Variants in CDH26 observed in about 807,000 individuals in gnomAD.
CDH26 encodes cadherin-like protein 26.
In CDH26, 83 loss-of-function variants were observed where a neutral mutation model predicts 90.3. The observed-to-expected ratio is 0.92, with a 90% CI of 0.77 to 1.10. CDH26 has a LOEUF of 1.10. CDH26 is among the 50% of genes least tolerant of loss of function. The probability of loss-of-function intolerance (pLI) is 0.00; values close to 1 mark genes in which losing one functional copy is unlikely to be tolerated. For missense variants in CDH26, 1,013 were observed against 1,037.6 expected, an observed-to-expected ratio of 0.98 and a Z score of 0.33; for synonymous variants, 397 against 396.3, an observed-to-expected ratio of 1.00 and a Z score of -0.02.
chr20:60,006,385 G>A lies in CDH26; in HGVS notation c.2221-328G>A, dbSNP rs564671043. ...GAAGAGAAGCCAAAATGAGCGAGGA[G>A]GGGCAGTGTAGTTGAGGGGGTGCAA... On this transcript the variant is annotated intron_variant, in intron 16 of 17. Coordinates refer to ENST00000348616, the MANE Select transcript of CDH26 (RefSeq NM_177980.4). Among the ~76,000 whole-genome samples, 249 of 147,506 alleles carry A rather than the reference G, an allele frequency of 1.7e-3. 7 individuals are homozygous for A. The highest frequency in any genetic ancestry group is 3.6e-3 in the Middle Eastern group (1 of 280).
At chr20:59,965,770 T>C (rs2061140932) in intron 1 of CDH26, among the ~76,000 whole-genome samples, 1 of 152,204 alleles carries the variant, frequency 6.6e-6, no homozygotes, top group Admixed American at 6.5e-5. Flanking sequence ...TCTTAACAGT[T>C]ATTTACTGGG....
Position 59,996,091 on chromosome 20 carries a change from C to T in CDH26, c.1888+37C>T, listed in dbSNP as rs368063089. On this transcript the variant is annotated intron_variant, in intron 12 of 17. Coordinates refer to ENST00000348616, the MANE Select transcript of CDH26 (RefSeq NM_177980.4). ...GTAGGGGTGTCCTGGGACTGTGGCT[C>T]CTCTCCCCAGGCAATAGGCCAGGGG... The T allele has an allele frequency of 4.4e-4, 700 of 1,592,878 alleles. 2 individuals are homozygous for T. The highest frequency in any genetic ancestry group is 1.5e-3 in the South Asian group (137 of 90,256).
intron 7 of CDH26, among the ~76,000 whole-genome samples, chr20:60,023,960 GGAGA>G (rs11086691): frequency 9.5e-5 from 14 of 147,300 alleles, no homozygotes; most frequent in African/African-American, 2.8e-4. Flanking sequence ...GCTGACAGAG[GGAGA>G]GAGAGAGAGA....
chr20:59,990,866 C>CT lies in CDH26; in HGVS notation c.1284-1500dup, dbSNP rs369782785. Among the ~76,000 whole-genome samples, 749 of 145,012 alleles carry CT rather than the reference C, an allele frequency of 5.2e-3. 10 individuals carry two copies. The highest frequency in any genetic ancestry group is 0.032 in the East Asian group (159 of 4,974). On this transcript the variant is annotated intron_variant, in intron 9 of 17. Transcript: ENST00000348616. ...GGGCCCCACCCCTACAATTTCTTTT[C>CT]TTTTTTTTTTTTCTTTTTTTTGAGA...
chr20:59,981,133 T>C (rs1352544510), intron 4 of CDH26, among the ~76,000 whole-genome samples: 2 of 152,192 alleles, frequency 1.3e-5, no homozygotes, highest in African/African-American at 4.8e-5. Context: ...TGGATTACTG[T>C]ATTTTTATAA....
At chr20:60,035,152 A>G (rs1390750153), downstream of CDH26, among the ~76,000 whole-genome samples, 1 of 152,146 alleles carries the variant, frequency 6.6e-6, no homozygotes, top group Non-Finnish European at 1.5e-5. Flanking sequence ...TTTTTATGTC[A>G]TTGTTTGTAC....
At chr20:60,034,313 T>TGTGTCAGGAACTGTGGGGCC (rs973723979), downstream of CDH26, among the ~76,000 whole-genome samples, 3 of 152,212 alleles carry the variant, frequency 2.0e-5, no homozygotes, top group Non-Finnish European at 4.4e-5. Flanking sequence ...AAGACAGTGC[T>TGTGTCAGGAACTGTGGGGCC]GTGTCAGGAA....
At chr20:59,986,897 A>C (rs1343300919) in intron 7 of CDH26, among the ~76,000 whole-genome samples, 1 of 152,260 alleles carries the variant, frequency 6.6e-6, no homozygotes, top group Non-Finnish European at 1.5e-5. Context: ...ACCTTGTTTC[A>C]AAATCTTTTC....
At chr20:59,988,023 A>G (rs1166288226) in intron 8 of CDH26, among the ~76,000 whole-genome samples, 1 of 152,178 alleles carries the variant, frequency 6.6e-6, no homozygotes, top group East Asian at 1.9e-4. Flanking sequence ...TGAGTTTTCA[A>G]TGTTTAAGAC....
At chr20:60,015,246 A>G (rs1479521132), downstream of CDH26, among the ~76,000 whole-genome samples, 1 of 152,192 alleles carries the variant, frequency 6.6e-6, no homozygotes, top group Non-Finnish European at 1.5e-5. Flanking sequence ...TCAGCCTACC[A>G]AAGTGCTGGG....
At position 59,970,147 on chromosome 20, in the gene CDH26, G is replaced by A. The variant is rs148524136; in HGVS notation, c.192G>A (p.Glu64=). Residue 64 remains glutamate, a synonymous_variant, in exon 3 of 18, where the codon GAG becomes GAA. Coordinates refer to ENST00000348616, the MANE Select transcript of CDH26 (RefSeq NM_177980.4). The stretch of plus-strand genomic sequence containing the variant: ...GGGTTATCACCACCTTGGAGCTGGA[G>A]GAGGAAGACCCGGGACCCTTTCCCA... ...RRWVITTLEL[E]EEDPGPFPKL... is the part of the protein sequence containing the mutation. 1.9e-6 allele frequency: 3 copies of A among 1,614,124 alleles called. No homozygotes were observed. Among genetic ancestry groups the A allele is most frequent in the Non-Finnish European group, 2.5e-6 (3 of 1,179,994 alleles).
chr20:59,960,096 A>C (rs1404420771), intron 1 of CDH26, among the ~76,000 whole-genome samples: 2 of 152,092 alleles, frequency 1.3e-5, no homozygotes, highest in Non-Finnish European at 1.5e-5. Context: ...CTGGGGACCT[A>C]GGCCAGCTTA....
Position 60,003,643 on chromosome 20 carries a change from G to A in CDH26, c.2220+777G>A, listed in dbSNP as rs527603854. On this transcript the variant is annotated intron_variant, in intron 16 of 17. Transcript: ENST00000348616. ...CATGGCATCCCAAATTTACATGTTG[G>A]TGTGGGAGACTAAAAAAGATGTAAA... 1.1e-4 allele frequency among the ~76,000 whole-genome samples: 17 copies of A among 152,298 alleles called. No individual in the cohort carries two copies. The South Asian group carries it at 2.9e-3, about 26-fold the overall frequency.
At chr20:60,018,698 C>T, downstream of CDH26, among the ~76,000 whole-genome samples, 1 of 44,214 alleles carries the variant, frequency 2.3e-5, no homozygotes, top group Non-Finnish European at 5.3e-5. Context: ...TCCTCTCTTA[C>T]TGCCTTTTTT....
chr20:60,010,426 G>C (rs561282443), intron 17 of CDH26, among the ~76,000 whole-genome samples: 22 of 152,308 alleles, frequency 1.4e-4, no homozygotes, highest in African/African-American at 5.1e-4. Context: ...GCCAAGGTCT[G>C]TAGAACTGGC....
At chr20:60,024,878 T>C (rs1482716164) in intron 7 of CDH26, among the ~76,000 whole-genome samples, 1 of 152,252 alleles carries the variant, frequency 6.6e-6, no homozygotes, top group Non-Finnish European at 1.5e-5. Context: ...GTGACTAAGT[T>C]CTGGCCAATG....
Position 59,983,087 on chromosome 20 carries a change from G to A in CDH26, c.541+17G>A, listed in dbSNP as rs746353882. On this transcript the variant is annotated intron_variant, in intron 5 of 17. Transcript: ENST00000348616. The stretch of plus-strand genomic sequence containing the variant: ...AATCTGCAGGTGTGTGCGGCTGGGG[G>A]GCTGCCGGGCTTCCTTCTGTCTCTG... 5 of 1,610,730 alleles carry A rather than the reference G, an allele frequency of 3.1e-6. No individual in the cohort carries two copies. In the South Asian group the frequency reaches 5.5e-5, roughly 18 times the overall value.
At chr20:59,986,361 C>T (rs2061458574) in intron 7 of CDH26, among the ~76,000 whole-genome samples, 1 of 152,214 alleles carries the variant, frequency 6.6e-6, no homozygotes, top group Non-Finnish European at 1.5e-5. Context: ...GGTGCCCCAC[C>T]TAAGGCATGT....
chr20:59,977,421 C>G (rs572090522), intron 4 of CDH26, among the ~76,000 whole-genome samples: 1 of 152,182 alleles, frequency 6.6e-6, no homozygotes, highest in East Asian at 1.9e-4. Flanking sequence ...CAAAAGCACC[C>G]TTTATACTAG....
Sources: allele counts gnomAD v4.1 joint callset (sites outside exome capture counted in the v4.1 genomes callset), GRCh38; gene constraint gnomAD v4.1.1; transcripts MANE v1.5; gene names NCBI Gene and HGNC (gene_info 2026-07-23, HGNC 2026-07-21).